STK3: variants seen among roughly 807,000 people sequenced by gnomAD.
The protein encoded by STK3 is serine/threonine-protein kinase 3.
STK3 carries 41 observed loss-of-function variants against 58.0 expected under a neutral mutation model. The observed-to-expected ratio is 0.71, with a 90% CI of 0.55 to 0.92. The LOEUF is 0.92. STK3 is among the 40% of genes least tolerant of loss of function. STK3 has a pLI of 0.00. For synonymous variants in STK3, 170 were observed against 191.0 expected, an observed-to-expected ratio of 0.89 and a Z score of 0.91; for missense variants, 479 against 602.7, an observed-to-expected ratio of 0.79 and a Z score of 2.15.
chr8:98,856,550 G>C (rs921739520), intron 3 of STK3, among the ~76,000 whole-genome samples: 2 of 152,142 alleles, frequency 1.3e-5, no homozygotes, highest in Non-Finnish European at 1.5e-5. Context: ...AAGTCAAATA[G>C]CAATTAAGTG....
chr8:98,850,067 C>T (rs1316274213), intron 3 of STK3, among the ~76,000 whole-genome samples: 1 of 152,094 alleles, frequency 6.6e-6, no homozygotes, highest in African/African-American at 2.4e-5. Context: ...TTGCCCTATA[C>T]ATCATTTATT....
chr8:98,809,016 T>C lies in STK3; in HGVS notation c.26+16499A>G, dbSNP rs936044935. 2.8e-4 allele frequency among the ~76,000 whole-genome samples: 42 copies of C among 152,182 alleles called. 1 individual carries two copies. Among genetic ancestry groups the C allele is most frequent in the Non-Finnish European group, 1.3e-4 (9 of 68,020 alleles). ...GTGAAGCCTCCATAAAAACCCTAAA[T>C]GATGGGACTCAGAGAATTTCTTCTG... On this transcript the variant is annotated intron_variant, in intron 1 of 10. Transcript: ENST00000419617.
chr8:98,819,535 G>A (rs1368312251), intron 1 of STK3, among the ~76,000 whole-genome samples: 4 of 152,172 alleles, frequency 2.6e-5, no homozygotes, highest in Non-Finnish European at 4.4e-5. Flanking sequence ...AAGCCAAAGG[G>A]AAGACAGCAG....
chr8:98,407,755 T>C (rs397892791), intron 3 of STK3, among the ~76,000 whole-genome samples: 5,993 of 102,710 alleles, frequency 0.058, 125 homozygotes, highest in Non-Finnish European at 0.069. Context: ...TGTGTGTGTG[T>C]GTGCGCGCGC....
At chr8:98,938,029 C>A (rs966070842) in intron 1 of STK3, among the ~76,000 whole-genome samples, 2 of 152,118 alleles carry the variant, frequency 1.3e-5, no homozygotes, top group African/African-American at 4.8e-5. Flanking sequence ...AATAGCAACC[C>A]TTTGTCAAAG....
intron 3 of STK3, among the ~76,000 whole-genome samples, chr8:98,760,497 G>A (rs1350582671): frequency 6.6e-6 from 1 of 152,048 alleles, no homozygotes; most frequent in Non-Finnish European, 1.5e-5. Flanking sequence ...TTCACTGGGT[G>A]GAAGAACCAG....
chr8:98,875,074 G>T (rs1231661888), intron 3 of STK3, among the ~76,000 whole-genome samples: 1 of 152,130 alleles, frequency 6.6e-6, no homozygotes, highest in African/African-American at 2.4e-5. Context: ...TAATTAGAAG[G>T]CTTTAAACCC....
At chr8:98,934,798 C>A (rs1840136312) in intron 1 of STK3, among the ~76,000 whole-genome samples, 1 of 152,082 alleles carries the variant, frequency 6.6e-6, no homozygotes, top group African/African-American at 2.4e-5. Flanking sequence ...CTCCTGTAAT[C>A]CCAGCTACTC....
intron 1 of STK3, among the ~76,000 whole-genome samples, chr8:98,925,438 G>A (rs576763169): frequency 1.4e-4 from 21 of 152,360 alleles, no homozygotes; most frequent in African/African-American, 4.3e-4. Context: ...CAGATTGGCA[G>A]CAGAATTGGA....
chr8:98,625,097 T>TA (rs1413270725), intron 6 of STK3, among the ~76,000 whole-genome samples: 1 of 152,146 alleles, frequency 6.6e-6, no homozygotes, highest in East Asian at 1.9e-4. Flanking sequence ...AGCTACTTCT[T>TA]ATATGTAACA....
intron 10 of STK3, chr8:98,526,367 G>A (rs1416832338): frequency 6.5e-6 from 1 of 153,722 alleles, no homozygotes. Context: ...CAAACTCTAT[G>A]TCATAAATAC....
chr8:98,450,926 A>G (rs1257219175), downstream of STK3, among the ~76,000 whole-genome samples: 1 of 152,228 alleles, frequency 6.6e-6, no homozygotes, highest in Non-Finnish European at 1.5e-5. Context: ...TCTAGCGGAA[A>G]TGCAAAGATT....
intron 6 of STK3, among the ~76,000 whole-genome samples, chr8:98,630,678 G>A (rs1307585223): frequency 6.6e-6 from 1 of 150,674 alleles, no homozygotes; most frequent in Non-Finnish European, 1.5e-5. Context: ...AGGAGGAGAA[G>A]GAGGAGAAGG....
At chr8:98,694,555 A>G (rs199815709) in intron 6 of STK3, among the ~76,000 whole-genome samples, 18 of 151,954 alleles carry the variant, frequency 1.2e-4, no homozygotes, top group African/African-American at 4.3e-4. Context: ...CTTTGTCCAT[A>G]TGTTCTCATT....
intron 3 of STK3, among the ~76,000 whole-genome samples, chr8:98,424,588 A>G (rs904912790): frequency 2.0e-4 from 31 of 152,204 alleles, no homozygotes; most frequent in Non-Finnish European, 4.3e-4. Context: ...ACAAAGAAAA[A>G]CAGAAGGCAG....
intron 1 of STK3, among the ~76,000 whole-genome samples, chr8:98,917,059 A>C (rs1331073127): frequency 1.3e-5 from 2 of 152,200 alleles, no homozygotes; most frequent in East Asian, 3.8e-4. Context: ...ATGGACTAGA[A>C]AGACAGCCCA....
chr8:98,491,231 T>C (rs960867535), intron 10 of STK3, among the ~76,000 whole-genome samples: 9 of 151,654 alleles, frequency 5.9e-5, no homozygotes, highest in African/African-American at 1.5e-4. Context: ...CTCTTTCTGT[T>C]TTTATTAAAA....
the STK3 span, among the ~76,000 whole-genome samples, chr8:98,354,375 C>T: frequency 6.6e-6 from 1 of 152,142 alleles, no homozygotes; most frequent in Admixed American, 6.5e-5. Flanking sequence ...AGGACACACC[C>T]TCCTCTCCTT....
rs1318639111 is a variant in STK3 at position 98,486,384 on chromosome 8, T to C, written c.1318-30384A>G. On this transcript the variant is annotated intron_variant, in intron 10 of 10. Coordinates refer to ENST00000419617, the MANE Select transcript of STK3 (RefSeq NM_006281.4). ...CAATGATCTGATGTAACTGGACCTA[T>C]ATTAGGAGTAAGATCCAACAGAAAC... Among the ~76,000 whole-genome samples the C allele has an allele frequency of 7.8e-4, 118 of 152,204 alleles. 1 individual carries two copies. Among genetic ancestry groups the C allele is most frequent in the Non-Finnish European group, 7.3e-5 (5 of 68,032 alleles).
Sources: gnomAD v4.1 joint callset for allele counts (sites outside exome capture counted in the v4.1 genomes callset) on GRCh38, gnomAD v4.1.1 for gene constraint, MANE v1.5 for transcripts, NCBI Gene and HGNC (gene_info 2026-07-23, HGNC 2026-07-21) for gene names.